The following LRIG3 variants were observed in gnomAD, a reference collection of about 807,000 sequenced individuals.
LRIG3 encodes leucine-rich repeats and immunoglobulin-like domains protein 3.
In LRIG3, 76 loss-of-function variants were observed where a neutral mutation model predicts 114.5. The ratio of observed to expected loss-of-function variants is 0.66; its 90% CI spans 0.55 to 0.80. The LOEUF (loss-of-function observed/expected upper bound fraction) is 0.80, where lower values mean the gene tolerates loss of function less well. Among genes scored for constraint, LRIG3 ranks in the 30% least tolerant of loss-of-function variants. LRIG3 has a pLI of 0.00. For missense variants in LRIG3, 1,239 were observed against 1,382.8 expected, an observed-to-expected ratio of 0.90 and a Z score of 1.65; for synonymous variants, 512 against 519.8, an observed-to-expected ratio of 0.98 and a Z score of 0.20.
At chr12:58,890,913 G>T in intron 3 of LRIG3, 117 bp from the exon 4 acceptor site, 1 of 916,316 alleles carries the variant, frequency 1.1e-6, no homozygotes, top group Non-Finnish European at 1.5e-6. Context: ...AATCTGAACA[G>T]TACTTTTAAA....
chr12:58,883,656 T>A lies in LRIG3; in HGVS notation c.1245-65A>T, dbSNP rs1820214065. ...CATCATTTCGTGCTTTTGGACAAAG[T>A]TTGGGCCCCCACTGCCCACCCCATT... is the stretch of plus-strand genomic sequence containing the variant. On this transcript the variant is annotated intron_variant, in intron 10 of 18. Transcript: ENST00000320743. 3 of 1,283,056 alleles carry A rather than the reference T, an allele frequency of 2.3e-6. No homozygotes were observed. The Admixed American group carries it at 5.6e-5, about 24-fold the overall frequency. The allele number at this position is 1,283,056 out of a possible 1,614,324, so 79.5% of individuals were successfully genotyped here.
At chr12:58,917,909 T>G (rs545616592) in intron 1 of LRIG3, among the ~76,000 whole-genome samples, 3 of 152,350 alleles carry the variant, frequency 2.0e-5, no homozygotes, top group Non-Finnish European at 4.4e-5. Context: ...AGACCACCTA[T>G]TCTAAAATAC....
intron 3 of LRIG3, among the ~76,000 whole-genome samples, chr12:58,902,542 A>G (rs1241329047): frequency 6.6e-6 from 1 of 152,056 alleles, no homozygotes; most frequent in East Asian, 1.9e-4. Context: ...GCAGGTGTTT[A>G]TATTTATAAT....
intron 3 of LRIG3, among the ~76,000 whole-genome samples, chr12:58,903,223 C>A (rs1871932392): frequency 6.6e-6 from 1 of 152,222 alleles, no homozygotes; most frequent in African/African-American, 2.4e-5. Context: ...CACATCCTCT[C>A]CAGCACCTGT....
intron 18 of LRIG3, 148 bp from the exon 19 acceptor site, chr12:58,872,964 A>G (rs1216927226): frequency 1.8e-6 from 2 of 1,105,818 alleles, no homozygotes; most frequent in Non-Finnish European, 2.5e-6. Context: ...ATACATGTAC[A>G]TCTGTCTTAC....
At position 58,874,314 on chromosome 12, in the gene LRIG3, T is replaced by C; in HGVS notation, c.2856A>G (p.Pro952=). 1 of 1,612,058 alleles carries C rather than the reference T, an allele frequency of 6.2e-7. No homozygotes were observed. Among genetic ancestry groups the C allele is most frequent in the Non-Finnish European group, 8.5e-7 (1 of 1,179,252 alleles). ...ETYHTGCSPD[P]RTVLMDHYEP... Reference sequence around the variant, plus strand: ...CATAGTGGTCCATTAAAACTGTTCTTGGGTCAGGACTGCAACCTTTTTAAT... The same window carrying C: ...CATAGTGGTCCATTAAAACTGTTCTCGGGTCAGGACTGCAACCTTTTTAAT... The change falls in exon 18 of 19, where the codon CCA becomes CCG. Residue 952 remains proline (P), a synonymous_variant. Coordinates refer to ENST00000320743, the MANE Select transcript of LRIG3 (RefSeq NM_153377.5).
At chr12:58,888,662 C>T (rs1175161242) in intron 6 of LRIG3, among the ~76,000 whole-genome samples, 157 bp downstream of exon 6, 6 of 152,092 alleles carry the variant, frequency 3.9e-5, no homozygotes, top group Non-Finnish European at 7.4e-5. Flanking sequence ...TATAAATTAT[C>T]GATCACATTA....
intron 3 of LRIG3, among the ~76,000 whole-genome samples, chr12:58,912,450 C>T (rs771124246): frequency 2.0e-4 from 31 of 151,950 alleles, no homozygotes; most frequent in South Asian, 2.1e-4. Flanking sequence ...GAGCCAAGAT[C>T]GTGCCACTGC....
At chr12:58,916,954 G>A (rs995747775) in intron 1 of LRIG3, among the ~76,000 whole-genome samples, 1 of 152,088 alleles carries the variant, frequency 6.6e-6, no homozygotes, top group African/African-American at 2.4e-5. Flanking sequence ...AATCCCACTG[G>A]GGCCTGCAGA....
At position 58,890,096 on chromosome 12, in the gene LRIG3, A is replaced by C; in HGVS notation, c.559T>G (p.Phe187Val). Residue 187 changes from phenylalanine to valine, a missense_variant, in exon 5 of 19, where the codon TTT (phenylalanine) becomes GTT (valine). Phe to Val is a conservative substitution (Grantham distance 50, BLOSUM62 -1). Coordinates refer to ENST00000320743, the MANE Select transcript of LRIG3 (RefSeq NM_153377.5). ...NRVTSMEPGYFDNLANTLLVL... is the reference protein window; with the variant it reads ...NRVTSMEPGYVDNLANTLLVL... ...AGGAGTGTGTTGGCCAAATTGTCAAAATACCCAGGTTCCATTGATGTGACT... is the reference window on the plus strand; with the variant it reads ...AGGAGTGTGTTGGCCAAATTGTCAACATACCCAGGTTCCATTGATGTGACT... The C allele has an allele frequency of 6.2e-7, 1 of 1,613,936 alleles. No individual in the cohort carries two copies. Among genetic ancestry groups the C allele is most frequent in the Non-Finnish European group, 8.5e-7 (1 of 1,179,876 alleles).
intron 9 of LRIG3, 52 bp from the exon 10 acceptor site, chr12:58,885,954 T>G: frequency 8.1e-7 from 1 of 1,241,072 alleles, no homozygotes; most frequent in Non-Finnish European, 1.1e-6. Flanking sequence ...CATTTTGGGG[T>G]GGAACTCTCA....
At chr12:58,914,123 A>C in intron 2 of LRIG3, 67 bp from the exon 3 acceptor site, 1 of 1,549,400 alleles carries the variant, frequency 6.5e-7, no homozygotes, top group Non-Finnish European at 8.8e-7. Context: ...ACAGAGGTGA[A>C]AACTTTACAT....
At chr12:58,890,563 A>T in intron 4 of LRIG3, 102 bp downstream of exon 4, 1 of 1,091,062 alleles carries the variant, frequency 9.2e-7, no homozygotes, top group Non-Finnish European at 1.3e-6. Context: ...TTATACTTTC[A>T]ATCCATCAGT....
At chr12:58,888,003 A>G (rs1871332676) in intron 7 of LRIG3, 71 bp from the exon 8 acceptor site, 4 of 1,435,740 alleles carry the variant, frequency 2.8e-6, no homozygotes, top group Non-Finnish European at 3.9e-6. Flanking sequence ...TTTCCAAAAG[A>G]CAGGTACTGT....
At chr12:58,919,668 G>C (rs1872601080) in intron 1 of LRIG3, 3 of 1,246,778 alleles carry the variant, frequency 2.4e-6, no homozygotes, top group African/African-American at 1.5e-5. Context: ...CCCTGGGCCT[G>C]GCAGGAGCAA....
rs1325289610 is a variant in LRIG3 at position 58,872,967 on chromosome 12, T to C, written c.3116-151A>G. ...TATGGCACTCACATACATGTACATC[T>C]GTCTTACAGCCAGATCACTTCTAGA... On this transcript the variant is annotated intron_variant, in intron 18 of 18. Transcript: ENST00000320743. 17 of 1,069,470 alleles carry C rather than the reference T, an allele frequency of 1.6e-5. No individual in the cohort carries two copies. In the East Asian group the frequency reaches 3.7e-4, roughly 23 times the overall value. 66.2% of individuals were successfully genotyped at this position (1,069,470 alleles called of 1,614,324 possible).
At position 58,914,157 on chromosome 12, in the gene LRIG3, T is replaced by A. The variant is rs1872388545; in HGVS notation, c.309-101A>T. 2.6e-6 allele frequency: 4 copies of A among 1,511,550 alleles called. No individual in the cohort carries two copies. In the South Asian group the frequency reaches 4.8e-5, roughly 18 times the overall value. The allele number at this position is 1,511,550 out of a possible 1,614,324, so 93.6% of individuals were successfully genotyped here. Reference sequence around the variant, plus strand: ...ATATTATTTCAAGATACCACCCAAGTTAAAAGTTTTGAATAACTCACTATA... The same window carrying A: ...ATATTATTTCAAGATACCACCCAAGATAAAAGTTTTGAATAACTCACTATA... On this transcript the variant is annotated intron_variant, in intron 2 of 18. Coordinates refer to ENST00000320743, the MANE Select transcript of LRIG3 (RefSeq NM_153377.5).
In LRIG3 at chr12:58,914,252, A is replaced by G. The variant is rs1420005675; in HGVS notation, c.308+13T>C. 1 of 1,612,788 alleles carries G rather than the reference A, an allele frequency of 6.2e-7. No individual in the cohort carries two copies. The highest frequency in any genetic ancestry group is 1.3e-5 in the African/African-American group (1 of 74,984). Reference sequence around the variant, plus strand: ...TTTACTCAAACCTTAAAAACAAAATAACGAAGACTCACACTTCTCGAAGGC... The same window carrying G: ...TTTACTCAAACCTTAAAAACAAAATGACGAAGACTCACACTTCTCGAAGGC... On this transcript the variant is annotated intron_variant, in intron 2 of 18. Coordinates refer to ENST00000320743, the MANE Select transcript of LRIG3 (RefSeq NM_153377.5).
At chr12:58,887,688 G>A in intron 8 of LRIG3, 101 bp downstream of exon 8, 1 of 1,212,212 alleles carries the variant, frequency 8.2e-7, no homozygotes, top group Non-Finnish European at 1.2e-6. Context: ...TTCTGAGGCT[G>A]TATGCATTTC....
Sources: gnomAD v4.1 joint callset for allele counts (sites outside exome capture counted in the v4.1 genomes callset) on GRCh38, gnomAD v4.1.1 for gene constraint, MANE v1.5 for transcripts, NCBI Gene and HGNC (gene_info 2026-07-23, HGNC 2026-07-21) for gene names.